WDR25: variants seen among roughly 807,000 people sequenced by gnomAD.
WDR25 encodes the protein WD repeat-containing protein 25.
In WDR25, 35 loss-of-function variants were observed where a neutral mutation model predicts 47.7. The ratio of observed to expected loss-of-function variants is 0.73; its 90% CI spans 0.56 to 0.97. WDR25 has a LOEUF of 0.97. WDR25 is among the 50% of genes least tolerant of loss of function. The pLI is 0.00. For synonymous variants in WDR25, 248 were observed against 278.9 expected (o/e 0.89, Z 1.10); for missense variants, 634 against 704.7 (o/e 0.90, Z 1.14).
At chr14:100,380,813 G>GTTGAGTTA in intron 1 of WDR25, 97 bp from the exon 2 acceptor site, 1 of 1,171,144 alleles carries the variant, frequency 8.5e-7, no homozygotes, top group East Asian at 2.6e-5. Flanking sequence ...TCTTATGAGT[G>GTTGAGTTA]TTGAGTTATT....
intron 2 of WDR25, among the ~76,000 whole-genome samples, chr14:100,463,114 C>T (rs935159428): frequency 2.7e-5 from 4 of 150,112 alleles, no homozygotes; most frequent in African/African-American, 7.4e-5. Flanking sequence ...CCTCCCTTTC[C>T]GTTTCCCATC....
At chr14:100,459,586 A>G (rs971280809) in intron 2 of WDR25, among the ~76,000 whole-genome samples, 1 of 152,058 alleles carries the variant, frequency 6.6e-6, no homozygotes, top group African/African-American at 2.4e-5. Context: ...AAATGAGGTC[A>G]TTAGGGGTGC....
At chr14:100,394,106 G>A (rs1897203384) in intron 2 of WDR25, among the ~76,000 whole-genome samples, 1 of 152,180 alleles carries the variant, frequency 6.6e-6, no homozygotes, top group Admixed American at 6.5e-5. Context: ...ACTCCAAGCC[G>A]GGGTTTATTC....
At chr14:100,484,434 G>A (rs531623150) in intron 4 of WDR25, among the ~76,000 whole-genome samples, 31 of 151,826 alleles carry the variant, frequency 2.0e-4, no homozygotes, top group African/African-American at 6.8e-4. Flanking sequence ...AATAATGTGC[G>A]GGTACAGATG....
intron 2 of WDR25, among the ~76,000 whole-genome samples, chr14:100,408,898 A>G (rs1897625105): frequency 6.6e-6 from 1 of 152,254 alleles, no homozygotes; most frequent in Admixed American, 6.5e-5. Context: ...AATGCATTAA[A>G]TAGGAAATAA....
In WDR25 at chr14:100,488,088, A is replaced by G. The variant is rs1049047517; in HGVS notation, c.1101+3964A>G. On this transcript the variant is annotated intron_variant, in intron 4 of 6. Coordinates refer to ENST00000402312, the MANE Select transcript of WDR25 (RefSeq NM_001161476.3). This position sits in a 1 kb window ranked among gnomAD's most constrained non-coding sequence, Gnocchi z 4.2. ...TAGTCTAGCCCAATTCATTACAGCA[A>G]ATGGGCTGTTTGGCTCCCTGTCTCC... Among the ~76,000 whole-genome samples the G allele has an allele frequency of 6.6e-6, 1 of 152,076 alleles. No individual in the cohort carries two copies. Among genetic ancestry groups the G allele is most frequent in the Non-Finnish European group, 1.5e-5 (1 of 68,008 alleles).
chr14:100,450,537 A>G (rs1898994170), intron 2 of WDR25, among the ~76,000 whole-genome samples: 1 of 152,222 alleles, frequency 6.6e-6, no homozygotes, highest in African/African-American at 2.4e-5. Flanking sequence ...GCAGACTGGC[A>G]TAAATATCTG....
chr14:100,510,282 A>C (rs963211120), intron 4 of WDR25, among the ~76,000 whole-genome samples: 22 of 148,078 alleles, frequency 1.5e-4, no homozygotes, highest in African/African-American at 5.2e-4. Context: ...AAAAAAAAAA[A>C]ATTAATTTTT....
chr14:100,451,099 T>C (rs1899014997), intron 2 of WDR25, among the ~76,000 whole-genome samples: 2 of 152,138 alleles, frequency 1.3e-5, no homozygotes, highest in Admixed American at 6.5e-5. Flanking sequence ...GGAAGCCCCA[T>C]GTACCATAGT....
Position 100,529,297 on chromosome 14 carries a change from G to A in WDR25, c.1413+89G>A. ...GGACATGGGCCCTGGGGTGCATGGA[G>A]CCTCTGTCTGGGTGGATCCTGCTTT... On this transcript the variant is annotated intron_variant, in intron 6 of 6. Coordinates refer to ENST00000402312, the MANE Select transcript of WDR25 (RefSeq NM_001161476.3). This position sits in a 1 kb window ranked among gnomAD's most constrained non-coding sequence, Gnocchi z 5.1. The A allele has an allele frequency of 2.6e-6, 4 of 1,565,476 alleles. No individual in the cohort carries two copies. Among genetic ancestry groups the A allele is most frequent in the Non-Finnish European group, 3.5e-6 (4 of 1,151,004 alleles).
rs1022548756 is a variant in WDR25, at chr14:100,424,827, C to A, written c.822+43081C>A. ...GTCTAGCAGAGTAAGTTTGATCATT[C>A]CATTCCACTGACAAGGAAACTCAGG... On this transcript the variant is annotated intron_variant, in intron 2 of 6. Coordinates refer to ENST00000402312, the MANE Select transcript of WDR25 (RefSeq NM_001161476.3). The surrounding 1 kb of genome is among the most constrained non-coding windows in gnomAD (Gnocchi z 4.2). Among the ~76,000 whole-genome samples the A allele has an allele frequency of 6.6e-6, 1 of 152,194 alleles. No homozygotes were observed. The highest frequency in any genetic ancestry group is 1.5e-5 in the Non-Finnish European group (1 of 68,032).
At chr14:100,431,666 C>A (rs1411562147) in intron 2 of WDR25, among the ~76,000 whole-genome samples, 1 of 151,610 alleles carries the variant, frequency 6.6e-6, no homozygotes, top group Non-Finnish European at 1.5e-5. Context: ...CCTGCCTTAG[C>A]CTCCCAAGTA....
At position 100,404,994 on chromosome 14, in the gene WDR25, G is replaced by T. The variant is rs1255819393; in HGVS notation, c.822+23248G>T. ...TTTCCTGTGCTCGCAGAATCTGTCT[G>T]TCCTCTTGCCCCCACCTCAGAGGCT... On this transcript the variant is annotated intron_variant, in intron 2 of 6. Coordinates refer to ENST00000402312, the MANE Select transcript of WDR25 (RefSeq NM_001161476.3). This position sits in a 1 kb window ranked among gnomAD's most constrained non-coding sequence, Gnocchi z 4.6. 6.6e-6 allele frequency among the ~76,000 whole-genome samples: 1 copy of T among 152,032 alleles called. No homozygotes were observed. Among genetic ancestry groups the T allele is most frequent in the East Asian group, 1.9e-4 (1 of 5,184 alleles).
At chr14:100,512,647 T>C (rs1461473230) in intron 4 of WDR25, among the ~76,000 whole-genome samples, 1 of 152,216 alleles carries the variant, frequency 6.6e-6, no homozygotes, top group Non-Finnish European at 1.5e-5. Flanking sequence ...TTTAATTTTC[T>C]TTTTCTAGTT....
intron 2 of WDR25, among the ~76,000 whole-genome samples, chr14:100,412,272 T>C (rs1348504250): frequency 6.6e-6 from 1 of 150,494 alleles, no homozygotes; most frequent in East Asian, 1.9e-4. Flanking sequence ...GTGGTGATAG[T>C]ATTGACGTGT....
intron 2 of WDR25, 108 bp from the exon 3 acceptor site, chr14:100,467,913 G>A: frequency 2.2e-6 from 3 of 1,359,682 alleles, no homozygotes; most frequent in Non-Finnish European, 3.0e-6. Context: ...GTAAAATAAT[G>A]AGAATCTAAT....
intron 2 of WDR25, among the ~76,000 whole-genome samples, chr14:100,460,974 AAGCTGT>A (rs1195186035): frequency 6.6e-6 from 1 of 152,188 alleles, no homozygotes; most frequent in Non-Finnish European, 1.5e-5. Flanking sequence ...AGCCTTTGGG[AAGCTGT>A]AGCTGGAGGA....
At chr14:100,515,797 T>A (rs865974396) in intron 4 of WDR25, among the ~76,000 whole-genome samples, 4,148 of 149,584 alleles carry the variant, frequency 0.028, 174 homozygotes, top group African/African-American at 0.097. Context: ...TGCTTTTTTT[T>A]TTTTTTTTTT....
chr14:100,503,054 T>G (rs1033404519), intron 4 of WDR25, among the ~76,000 whole-genome samples: 1 of 151,740 alleles, frequency 6.6e-6, no homozygotes, highest in African/African-American at 2.4e-5. Flanking sequence ...CGTGTGTGTG[T>G]GTGCGTGTGT....
Sources: gnomAD v4.1 joint callset for allele counts (sites outside exome capture counted in the v4.1 genomes callset) on GRCh38, gnomAD v4.1.1 for gene constraint, Gnocchi (gnomAD v3.1) non-coding constraint, MANE v1.5 for transcripts, NCBI Gene and HGNC (gene_info 2026-07-23, HGNC 2026-07-21) for gene names.